GALNT10: variants seen among roughly 807,000 people sequenced by gnomAD.
The protein encoded by GALNT10 is polypeptide N-acetylgalactosaminyltransferase 10.
Under a neutral mutation model 75.0 loss-of-function variants are expected in GALNT10, and 41 were observed. That is an observed-to-expected ratio of 0.55 (90% CI 0.43 to 0.71). GALNT10 has a LOEUF of 0.71. Among genes scored for constraint, GALNT10 ranks in the 30% least tolerant of loss-of-function variants. The probability of loss-of-function intolerance (pLI) is 0.00; values close to 1 mark genes in which losing one functional copy is unlikely to be tolerated. For missense variants in GALNT10, 727 were observed against 818.5 expected, an observed-to-expected ratio of 0.89 and a Z score of 1.36; for synonymous variants, 302 against 313.0, an observed-to-expected ratio of 0.96 and a Z score of 0.37.
chr5:154,412,994 A>C lies in GALNT10; in HGVS notation c.1492A>C (p.Asn498His). The C allele has an allele frequency of 6.2e-7, 1 of 1,605,584 alleles. No homozygotes were observed. The highest frequency in any genetic ancestry group is 8.5e-7 in the Non-Finnish European group (1 of 1,173,108). Residue 498 changes from asparagine (N) to histidine (H), a missense_variant, in exon 10 of 12, where the codon AAC becomes CAC. Transcript: ENST00000297107. The surrounding 1 kb of genome is among the most constrained non-coding windows in gnomAD (Gnocchi z 4.2). ...CVRGRGEAAW[N>H]NMQVFTFTWR... ...CCGAGGCCGTGGGGAGGCTGCCTGG[A>C]ACAACATGCAGGTAAGGGCCGCCCC... is the stretch of plus-strand genomic sequence containing the variant.
intron 3 of GALNT10, among the ~76,000 whole-genome samples, chr5:154,323,787 G>A (rs536809094): frequency 1.2e-4 from 19 of 152,330 alleles, no homozygotes; most frequent in African/African-American, 4.6e-4. Context: ...GTCAGGTACT[G>A]AAACCAGGTA....
In GALNT10 at chr5:154,368,171, C is replaced by A. The variant is rs142734161; in HGVS notation, c.569-8106C>A. Among the ~76,000 whole-genome samples the A allele has an allele frequency of 1.7e-3, 265 of 152,292 alleles. 1 individual carries two copies. The highest frequency in any genetic ancestry group is 6.1e-3 in the African/African-American group (255 of 41,550). ...AGAATGGACATTTCTACTAAATTCCCAAATAATGCTGATGCATCTGGTCTG... is the reference window on the plus strand; with the variant it reads ...AGAATGGACATTTCTACTAAATTCCAAAATAATGCTGATGCATCTGGTCTG... On this transcript the variant is annotated intron_variant, in intron 4 of 11. Coordinates refer to ENST00000297107, the MANE Select transcript of GALNT10 (RefSeq NM_198321.4).
intron 5 of GALNT10, among the ~76,000 whole-genome samples, chr5:154,377,224 G>C (rs1001856169): frequency 6.6e-6 from 1 of 152,188 alleles, no homozygotes; most frequent in Non-Finnish European, 1.5e-5. Context: ...TGAGGAGTTC[G>C]GTTTTGATGA....
intron 1 of GALNT10, among the ~76,000 whole-genome samples, chr5:154,199,367 A>G (rs939787539): frequency 2.0e-5 from 3 of 152,134 alleles, no homozygotes; most frequent in Admixed American, 6.5e-5. Flanking sequence ...CATTCTCCCC[A>G]GGAGTGCTTC....
chr5:154,365,540 A>C (rs914052931), intron 4 of GALNT10, among the ~76,000 whole-genome samples: 6 of 152,218 alleles, frequency 3.9e-5, no homozygotes, highest in Admixed American at 1.3e-4. Context: ...CTTGGGCAGT[A>C]ATCTAGAGTC....
chr5:154,239,199 T>G (rs1286018086), intron 1 of GALNT10, among the ~76,000 whole-genome samples: 2 of 152,190 alleles, frequency 1.3e-5, no homozygotes, highest in Admixed American at 1.3e-4. Context: ...GGGTAAGTAC[T>G]GTCTTTATTT....
intron 1 of GALNT10, among the ~76,000 whole-genome samples, chr5:154,246,725 G>A (rs1462010493): frequency 8.5e-5 from 13 of 152,290 alleles, no homozygotes; most frequent in Non-Finnish European, 1.6e-4. Flanking sequence ...TGTCAGATGA[G>A]TAGATTGCAA....
At chr5:154,278,264 C>T (rs532144478) in intron 1 of GALNT10, among the ~76,000 whole-genome samples, 16 of 152,202 alleles carry the variant, frequency 1.1e-4, no homozygotes, top group African/African-American at 3.6e-4. Flanking sequence ...CCTCATCAAC[C>T]CAATCTTATA....
chr5:154,412,834 C>T lies in GALNT10; in HGVS notation c.1387-55C>T, dbSNP rs1386136841. On this transcript the variant is annotated intron_variant, in intron 9 of 11. Transcript: ENST00000297107. This position sits in a 1 kb window ranked among gnomAD's most constrained non-coding sequence, Gnocchi z 4.2. ...TTTCCCCTTTCACCTGGCAGGGACC[C>T]GGTGGGCACCTTAAGGCACCTCAGT... The T allele has an allele frequency of 4.2e-6, 5 of 1,197,496 alleles. No homozygotes were observed. The highest frequency in any genetic ancestry group is 1.2e-5 in the South Asian group (1 of 82,474). The allele number at this position is 1,197,496 out of a possible 1,614,324, so 74.2% of individuals were successfully genotyped here.
chr5:154,386,669 T>G, intron 7 of GALNT10: 1 of 589,230 alleles, frequency 1.7e-6, no homozygotes, highest in South Asian at 2.2e-5. Flanking sequence ...ACCACAGCTC[T>G]GACTGGCATT....
Position 154,285,510 on chromosome 5 carries a change from G to T in GALNT10, c.160-9306G>T, listed in dbSNP as rs532051088. ...GCATCTGTGGGACTATTGATATCCA[G>T]CTCTTACAGATGAACTTCTCACCTG... On this transcript the variant is annotated intron_variant, in intron 1 of 11. Coordinates refer to ENST00000297107, the MANE Select transcript of GALNT10 (RefSeq NM_198321.4). Among the ~76,000 whole-genome samples, 3 of 152,206 alleles carry T rather than the reference G, an allele frequency of 2.0e-5. No homozygotes were observed. The South Asian group carries it at 6.2e-4, about 32-fold the overall frequency.
intron 1 of GALNT10, among the ~76,000 whole-genome samples, chr5:154,222,014 CTT>C (rs1752987290): frequency 6.6e-6 from 1 of 151,880 alleles, no homozygotes; most frequent in African/African-American, 2.4e-5. Context: ...AAGTGTGCAA[CTT>C]GATCAATTTT....
In GALNT10 at chr5:154,409,250, G is replaced by T. The variant is rs188542787; in HGVS notation, c.1165-291G>T. Among the ~76,000 whole-genome samples the T allele has an allele frequency of 1.4e-4, 21 of 152,264 alleles. No individual in the cohort carries two copies. Among genetic ancestry groups the T allele is most frequent in the Admixed American group, 2.6e-4 (4 of 15,294 alleles). ...GCCACATGAGCTGACAGGGAGACAGGGTGGCTCCCCAGAGGAAAATCAGTG... is the reference window on the plus strand; with the variant it reads ...GCCACATGAGCTGACAGGGAGACAGTGTGGCTCCCCAGAGGAAAATCAGTG... On this transcript the variant is annotated intron_variant, in intron 8 of 11. Transcript: ENST00000297107. This position sits in a 1 kb window ranked among gnomAD's most constrained non-coding sequence, Gnocchi z 4.5.
chr5:154,226,958 A>G (rs1463714724), intron 1 of GALNT10, among the ~76,000 whole-genome samples: 4 of 152,184 alleles, frequency 2.6e-5, no homozygotes, highest in African/African-American at 9.6e-5. Flanking sequence ...TTAAAAAAAA[A>G]AAAACTTCCT....
At chr5:154,368,973 A>G (rs929250943) in intron 4 of GALNT10, among the ~76,000 whole-genome samples, 1 of 152,198 alleles carries the variant, frequency 6.6e-6, no homozygotes, top group Non-Finnish European at 1.5e-5. Context: ...ACCTGCTATG[A>G]TTCCTGGCTG....
intron 1 of GALNT10, among the ~76,000 whole-genome samples, chr5:154,208,446 G>A (rs1376522511): frequency 1.3e-5 from 2 of 152,204 alleles, no homozygotes; most frequent in African/African-American, 4.8e-5. Flanking sequence ...TTTACTAGCT[G>A]TGTGACTTCG....
intron 4 of GALNT10, among the ~76,000 whole-genome samples, chr5:154,355,377 T>C (rs1755274216): frequency 6.6e-6 from 1 of 152,242 alleles, no homozygotes; most frequent in Non-Finnish European, 1.5e-5. Flanking sequence ...TGAGAAGGCT[T>C]CTCTGATACT....
chr5:154,394,760 C>T (rs1364461066), intron 7 of GALNT10, among the ~76,000 whole-genome samples: 2 of 152,226 alleles, frequency 1.3e-5, no homozygotes, highest in Non-Finnish European at 2.9e-5. Context: ...TACATTTCCC[C>T]ATCCTTTTCC....
At chr5:154,257,587 C>T (rs1300903083) in intron 1 of GALNT10, among the ~76,000 whole-genome samples, 5 of 151,654 alleles carry the variant, frequency 3.3e-5, no homozygotes, top group East Asian at 1.9e-4. Flanking sequence ...GAGAATCAAT[C>T]GCTTGAACCA....
Sources: allele counts gnomAD v4.1 joint callset (sites outside exome capture counted in the v4.1 genomes callset), GRCh38; gene constraint gnomAD v4.1.1; non-coding constraint Gnocchi (gnomAD v3.1); transcripts MANE v1.5; gene names NCBI Gene and HGNC (gene_info 2026-07-23, HGNC 2026-07-21).